The following ELMO3 variants were observed in gnomAD, a reference collection of about 807,000 sequenced individuals.
The protein encoded by ELMO3 is engulfment and cell motility 3, also known as engulfment and cell motility protein 3.
Under a neutral mutation model 89.0 loss-of-function variants are expected in ELMO3, and 81 were observed. That is an observed-to-expected ratio of 0.91 (90% CI 0.76 to 1.09). The LOEUF is 1.09. Among genes scored for constraint, ELMO3 ranks in the 50% least tolerant of loss-of-function variants. The pLI is 0.00. For missense variants in ELMO3, 959 were observed against 972.8 expected, an observed-to-expected ratio of 0.99 and a Z score of 0.19; for synonymous variants, 406 against 400.6, an observed-to-expected ratio of 1.01 and a Z score of -0.16.
At chr16:67,202,110 G>A in intron 12 of ELMO3, 32 bp downstream of exon 12, 1 of 1,609,570 alleles carries the variant, frequency 6.2e-7, no homozygotes, top group Non-Finnish European at 8.5e-7. Flanking sequence ...GGGGGTGGCA[G>A]CATCCCCCAG....
At chr16:67,199,866 C>T (rs1192726061) in intron 3 of ELMO3, 85 bp from the exon 4 acceptor site, 24 of 1,605,238 alleles carry the variant, frequency 1.5e-5, no homozygotes, top group East Asian at 2.2e-5. Context: ...CTGTTATTCA[C>T]CCCCAGCCGC....
Position 67,202,430 on chromosome 16 carries a change from T to C in ELMO3, c.1295T>C (p.Phe432Ser). 1.2e-6 allele frequency: 2 copies of C among 1,613,906 alleles called. No homozygotes were observed. Among genetic ancestry groups the C allele is most frequent in the Non-Finnish European group, 1.7e-6 (2 of 1,180,028 alleles). ...ACAGCCCAGGACTTCTCACCCATGT[T>C]CTTCGGCCAAGACCAGAGCTTCCAC... is the stretch of plus-strand genomic sequence containing the variant. ...SETAQDFSPM[F>S]FGQDQSFHEL... Residue 432 changes from phenylalanine (F) to serine (S), a missense_variant, in exon 14 of 20, where the codon TTC (phenylalanine) becomes TCC (serine). By Grantham distance (155) the Phe-to-Ser change is radical. Transcript: ENST00000393997.
rs1286961798 is a variant in ELMO3, at chr16:67,199,471, G to C, written c.78+67G>C. The C allele has an allele frequency of 3.2e-6, 5 of 1,576,594 alleles. No homozygotes were observed. The Admixed American group carries it at 8.5e-5, about 27-fold the overall frequency. On this transcript the variant is annotated intron_variant, in intron 1 of 19. Transcript: ENST00000393997. ...CCTCCCGGTAGCCCCCTGGCCCTCG[G>C]GGCAGCCCGCCCCACCCCTCCCCCC...
chr16:67,201,212 A>ATTT (rs753596419), intron 8 of ELMO3, among the ~76,000 whole-genome samples, 173 bp from the exon 9 acceptor site: 2,265 of 94,214 alleles, frequency 0.024, 141 homozygotes, highest in African/African-American at 0.097. Flanking sequence ...CGCCCAGCTG[A>ATTT]TTTTTTTTTT....
chr16:67,201,739 C>G lies in ELMO3; in HGVS notation c.919-3C>G. The G allele has an allele frequency of 1.2e-6, 2 of 1,609,580 alleles. No individual in the cohort carries two copies. The highest frequency in any genetic ancestry group is 1.7e-6 in the Non-Finnish European group (2 of 1,180,002). On this transcript the variant is annotated splice_region_variant and splice_polypyrimidine_tract_variant and intron_variant, in intron 10 of 19. Coordinates refer to ENST00000393997, the MANE Select transcript of ELMO3 (RefSeq NM_024712.5). The stretch of plus-strand genomic sequence containing the variant: ...CTCCCCCGCCACCCAACACTGACCC[C>G]AGGAGCAGCGGGAGCAGCTGCAGGT...
In ELMO3 at chr16:67,202,546, G is replaced by A; in HGVS notation, c.1398+13G>A. On this transcript the variant is annotated intron_variant, in intron 14 of 19. Transcript: ENST00000393997. The stretch of plus-strand genomic sequence containing the variant: ...GGACTTCGACAAGGTGGGTGGGGTG[G>A]GAGCTGGGAGGCCTGGGCCAGGGCA... 1 of 1,612,546 alleles carries A rather than the reference G, an allele frequency of 6.2e-7. No homozygotes were observed.
rs748092355 is a variant in ELMO3 at position 67,202,524 on chromosome 16, C to T, written c.1389C>T (p.Asp463=). 1 of 1,612,438 alleles carries T rather than the reference C, an allele frequency of 6.2e-7. No individual in the cohort carries two copies. Among genetic ancestry groups the T allele is most frequent in the Non-Finnish European group, 8.5e-7 (1 of 1,179,952 alleles). Residue 463 remains aspartate, a synonymous_variant, in exon 14 of 20, where the codon GAC becomes GAT. Coordinates refer to ENST00000393997, the MANE Select transcript of ELMO3 (RefSeq NM_024712.5). The part of the protein sequence containing the change: ...TWKEMRATQE[D]FDKVMQVVRE... ...AGGAGATGCGGGCTACACAGGAGGA[C>T]TTCGACAAGGTGGGTGGGGTGGGAG...
rs2033123335 is a variant in ELMO3, at chr16:67,201,974, C to A, written c.1051-3C>A. The A allele has an allele frequency of 9.9e-6, 16 of 1,612,660 alleles. No individual in the cohort carries two copies. Among genetic ancestry groups the A allele is most frequent in the African/African-American group, 1.3e-5 (1 of 74,928 alleles). On this transcript the variant is annotated splice_polypyrimidine_tract_variant and splice_region_variant and intron_variant, in intron 11 of 19. Coordinates refer to ENST00000393997, the MANE Select transcript of ELMO3 (RefSeq NM_024712.5). ...TTGAACTGCCTGTGCCCACTTCCCCCAGAACAGCAACCCAGCACAGGACCT... is the reference window on the plus strand; with the variant it reads ...TTGAACTGCCTGTGCCCACTTCCCCAAGAACAGCAACCCAGCACAGGACCT...
At chr16:67,201,049 CTT>C (rs797015351) in intron 8 of ELMO3, 81 bp downstream of exon 8, 8,265 of 1,098,730 alleles carry the variant, frequency 7.5e-3, no homozygotes, top group East Asian at 8.1e-3. Flanking sequence ...CTAAGCCCCC[CTT>C]TTTTTTTTTT....
chr16:67,199,473 G>A (rs2033044190), intron 1 of ELMO3, 69 bp downstream of exon 1: 17 of 1,562,980 alleles, frequency 1.1e-5, no homozygotes, highest in Non-Finnish European at 1.5e-5. Flanking sequence ...GGCCCTCGGG[G>A]CAGCCCGCCC....
rs767801931 is a variant in ELMO3 at position 67,199,265 on chromosome 16, G to C, written c.-62G>C. ...CGTCCCCAGGGGCCCCAGGCCAGGT[G>C]CACCCTTGGCCGCAGGTGCACGGTC... On this transcript the variant is annotated 5_prime_UTR_variant, in exon 1 of 20. Transcript: ENST00000393997. 6.2e-7 allele frequency: 1 copy of C among 1,612,022 alleles called. No homozygotes were observed. The highest frequency in any genetic ancestry group is 8.5e-7 in the Non-Finnish European group (1 of 1,179,716).
Position 67,203,569 on chromosome 16 carries a change from C to T in ELMO3, c.1936C>T (p.Pro646Ser), listed in dbSNP as rs142297883. Residue 646 changes from proline (P) to serine (S), a missense_variant, in exon 19 of 20, where the codon CCC (proline) becomes TCC (serine). Pro to Ser is a moderately conservative substitution (Grantham distance 74). Coordinates refer to ENST00000393997, the MANE Select transcript of ELMO3 (RefSeq NM_024712.5). The surrounding 1 kb of genome is among the most constrained non-coding windows in gnomAD (Gnocchi z 4.6). ...GGAAGCGTACCTCAACTTCATTGCCCCCTCCAAGCGGGAGGTGAGTGTCCG... is the reference window on the plus strand; with the variant it reads ...GGAAGCGTACCTCAACTTCATTGCCTCCTCCAAGCGGGAGGTGAGTGTCCG... ...EEEAYLNFIAPSKREFYLWTD... is the reference protein window; with the variant it reads ...EEEAYLNFIASSKREFYLWTD... 1.6e-5 allele frequency: 26 copies of T among 1,614,064 alleles called. 1 individual carries two copies. In the African/African-American group the frequency reaches 2.1e-4, roughly 13 times the overall value.
rs564141006 is a variant in ELMO3 at position 67,202,208 on chromosome 16, G to A, written c.1185G>A (p.Lys395=). 2 of 1,604,896 alleles carry A rather than the reference G, an allele frequency of 1.2e-6. No individual in the cohort carries two copies. Among genetic ancestry groups the A allele is most frequent in the African/African-American group, 2.7e-5 (2 of 74,922 alleles). ...TGGAGAACAGCAGCCGCGAGGACAA[G>A]CACGAGTGCCCCTTTGCCCGGGGCA... ...FVLENSSRED[K]HECPFARGSI... is the part of the protein sequence containing the mutation. Residue 395 remains lysine, a synonymous_variant, in exon 13 of 20, where the codon AAG becomes AAA. Transcript: ENST00000393997.
Position 67,203,796 on chromosome 16 carries a change from C to T in ELMO3, c.2082C>T (p.Pro694=). The change falls in exon 20 of 20, where the codon CCC becomes CCT. Residue 694 remains proline (P), a synonymous_variant. Coordinates refer to ENST00000393997, the MANE Select transcript of ELMO3 (RefSeq NM_024712.5). This position sits in a 1 kb window ranked among gnomAD's most constrained non-coding sequence, Gnocchi z 4.6. Reference sequence around the variant, plus strand: ...GTCTGCTGGAGCTGGAGAACGTGCCCATCCCCGAGCGGCCACCCCCTGTGC... The same window carrying T: ...GTCTGCTGGAGCTGGAGAACGTGCCTATCCCCGAGCGGCCACCCCCTGTGC... ...KLRLLELENV[P]IPERPPPVPP... is the part of the protein sequence containing the mutation. 1 of 1,612,220 alleles carries T rather than the reference C, an allele frequency of 6.2e-7. No individual in the cohort carries two copies. The highest frequency in any genetic ancestry group is 1.1e-5 in the South Asian group (1 of 91,000).
rs372726536 is a variant in ELMO3, at chr16:67,200,284, G to A, written c.336G>A (p.Ser112=). 4 of 1,613,710 alleles carry A rather than the reference G, an allele frequency of 2.5e-6. No homozygotes were observed. The highest frequency in any genetic ancestry group is 1.1e-5 in the South Asian group (1 of 91,092). ...EALRRLVPLA[S]DMIFAREVIS... ...TGAGGCGCCTTGTTCCGCTGGCCTC[G>A]GACATGATCTTTGCCAGGGAGGTCA... Residue 112 remains serine, a synonymous_variant, in exon 5 of 20, where the codon TCG becomes TCA. Transcript: ENST00000393997.
chr16:67,203,402 A>C lies in ELMO3; in HGVS notation c.1856A>C (p.Gln619Pro), dbSNP rs755873776. Reference protein sequence around the residue: ...PHVREKGSGKQNKDLYELAFS... With the variant: ...PHVREKGSGKPNKDLYELAFS... The stretch of plus-strand genomic sequence containing the variant: ...GTCCGGGAGAAGGGCTCCGGGAAGC[A>C]GAACAAGGTGAGTACAGCGGGCCAG... The change falls in exon 18 of 20, where the codon CAG (glutamine) becomes CCG (proline). Residue 619 changes from glutamine (Q) to proline (P), a missense_variant. Coordinates refer to ENST00000393997, the MANE Select transcript of ELMO3 (RefSeq NM_024712.5). This position sits in a 1 kb window ranked among gnomAD's most constrained non-coding sequence, Gnocchi z 4.6. 1 of 1,612,562 alleles carries C rather than the reference A, an allele frequency of 6.2e-7. No homozygotes were observed. Among genetic ancestry groups the C allele is most frequent in the Non-Finnish European group, 8.5e-7 (1 of 1,179,594 alleles).
At position 67,199,181 on chromosome 16, in the gene ELMO3, G is replaced by A; in HGVS notation, c.-146G>A. ...AGGCCGCGTTGCATGGCCAGGAGCA[G>A]CAGTCTGGGCCGCGAGTGCGGGACA... is the stretch of plus-strand genomic sequence containing the variant. On this transcript the variant is annotated 5_prime_UTR_variant, in exon 1 of 20. Coordinates refer to ENST00000393997, the MANE Select transcript of ELMO3 (RefSeq NM_024712.5). 6.2e-7 allele frequency: 1 copy of A among 1,610,436 alleles called. No homozygotes were observed. Among genetic ancestry groups the A allele is most frequent in the Non-Finnish European group, 8.5e-7 (1 of 1,179,628 alleles).
At chr16:67,199,476 GCCCGCCCCAC>G (rs2033044584) in intron 1 of ELMO3, 67 bp from the exon 2 acceptor site, 20 of 1,503,606 alleles carry the variant, frequency 1.3e-5, no homozygotes, top group Middle Eastern at 2.4e-4. Flanking sequence ...CCTCGGGGCA[GCCCGCCCCAC>G]CCCTCCCCCC....
At chr16:67,201,922 T>G (rs1249804062) in intron 11 of ELMO3, 49 bp downstream of exon 11, 1 of 1,605,426 alleles carries the variant, frequency 6.2e-7, no homozygotes, top group Non-Finnish European at 8.5e-7. Flanking sequence ...AGCCCAGGGC[T>G]GTTGTTCCAG....
Sources: gnomAD v4.1 joint callset for allele counts (sites outside exome capture counted in the v4.1 genomes callset) on GRCh38, gnomAD v4.1.1 for gene constraint, Gnocchi (gnomAD v3.1) non-coding constraint, MANE v1.5 for transcripts, NCBI Gene and HGNC (gene_info 2026-07-23, HGNC 2026-07-21) for gene names.